PARK7: variants seen among roughly 807,000 people sequenced by gnomAD.
The protein encoded by PARK7 is Parkinson disease protein 7.
A neutral mutation model predicts 20.5 loss-of-function variants in PARK7; 14 were observed. The observed-to-expected ratio is 0.68, with a 90% CI of 0.45 to 1.07. The LOEUF is 1.07. Ranked by LOEUF, PARK7 falls within the 50% of genes least tolerant of loss-of-function variation. The pLI is 0.00. For missense variants in PARK7, 234 were observed against 238.1 expected, an observed-to-expected ratio of 0.98 and a Z score of 0.11; for synonymous variants, 98 against 84.3, an observed-to-expected ratio of 1.16 and a Z score of -0.89.
rs1158017740 is a variant in PARK7 at position 7,985,098 on chromosome 1, A to G, written c.*44A>G. On this transcript the variant is annotated 3_prime_UTR_variant, in exon 7 of 7. Coordinates refer to ENST00000338639, the MANE Select transcript of PARK7 (RefSeq NM_007262.5). ...TCACTTAGAGAAACAGGCCGTTAGG[A>G]ATCCATTCTCACTGTGTTCGCTCTA... 3 of 1,601,226 alleles carry G rather than the reference A, an allele frequency of 1.9e-6. No individual in the cohort carries two copies. The South Asian group carries it at 3.3e-5, about 18-fold the overall frequency.
chr1:7,980,032 G>T lies in PARK7; in HGVS notation c.409+2294G>T, dbSNP rs377605677. On this transcript the variant is annotated intron_variant, in intron 6 of 6. Coordinates refer to ENST00000338639, the MANE Select transcript of PARK7 (RefSeq NM_007262.5). Reference sequence around the variant, plus strand: ...AAAAATTAGCTGGGCGTGGTGGCGGGCACCTGTAGTCCCAGCTACTCAGGA... The same window carrying T: ...AAAAATTAGCTGGGCGTGGTGGCGGTCACCTGTAGTCCCAGCTACTCAGGA... Among the ~76,000 whole-genome samples the T allele has an allele frequency of 7.2e-5, 11 of 151,998 alleles. No individual in the cohort carries two copies. In the East Asian group the frequency reaches 1.6e-3, roughly 22 times the overall value.
At chr1:7,982,875 A>T (rs1279829676) in intron 6 of PARK7, 3 of 152,188 alleles carry the variant, frequency 2.0e-5, no homozygotes, top group Non-Finnish European at 4.4e-5. Context: ...CTGATTTTTT[A>T]AATTTTTTAG....
chr1:7,965,534 A>C, intron 3 of PARK7, 109 bp downstream of exon 3: 1 of 950,246 alleles, frequency 1.1e-6, no homozygotes, highest in East Asian at 2.4e-5. Flanking sequence ...TTTTGCTTGA[A>C]TGTCTTCCCC....
In PARK7 at chr1:7,984,778, A is replaced by G; in HGVS notation, c.410-116A>G. On this transcript the variant is annotated intron_variant, in intron 6 of 6. Coordinates refer to ENST00000338639, the MANE Select transcript of PARK7 (RefSeq NM_007262.5). The surrounding 1 kb of genome is among the most constrained non-coding windows in gnomAD (Gnocchi z 4.3). ...TGGAGTGCCTAGTAAATGTTTTTGA[A>G]TGGTTAGCTACAGTGTTGGGTTTAT... 3.9e-6 allele frequency: 5 copies of G among 1,287,382 alleles called. No homozygotes were observed. Among genetic ancestry groups the G allele is most frequent in the Non-Finnish European group, 4.5e-6 (4 of 897,214 alleles). The allele number at this position is 1,287,382 out of a possible 1,614,324, so 79.7% of individuals were successfully genotyped here. A position where few individuals can be genotyped will look rare whatever the true frequency, so the allele number is the denominator to read the frequency against.
At chr1:7,968,129 G>A (rs1390164869) in intron 3 of PARK7, among the ~76,000 whole-genome samples, 1 of 151,784 alleles carries the variant, frequency 6.6e-6, no homozygotes, top group African/African-American at 2.4e-5. Flanking sequence ...TCAAGAGGGT[G>A]AAACCCCATC....
intron 2 of PARK7, among the ~76,000 whole-genome samples, 162 bp downstream of exon 2, chr1:7,963,037 T>A (rs1236259579): frequency 6.6e-6 from 1 of 152,198 alleles, no homozygotes; most frequent in Non-Finnish European, 1.5e-5. Context: ...CTGCTCACAT[T>A]TAACGCTTGT....
Position 7,984,551 on chromosome 1 carries a change from C to A in PARK7, c.410-343C>A, listed in dbSNP as rs1215351925. ...AGCGCTGCCGCATCCCTTCACCCTTCCCCGGCACTTCAGAATTGACACTTG... is the reference window on the plus strand; with the variant it reads ...AGCGCTGCCGCATCCCTTCACCCTTACCCGGCACTTCAGAATTGACACTTG... On this transcript the variant is annotated intron_variant, in intron 6 of 6. Coordinates refer to ENST00000338639, the MANE Select transcript of PARK7 (RefSeq NM_007262.5). The surrounding 1 kb of genome is among the most constrained non-coding windows in gnomAD (Gnocchi z 4.3). 6.6e-6 allele frequency among the ~76,000 whole-genome samples: 1 copy of A among 152,212 alleles called. No individual in the cohort carries two copies. The highest frequency in any genetic ancestry group is 2.4e-5 in the African/African-American group (1 of 41,442).
rs1640452604 is a variant in PARK7, at chr1:7,970,948, G to A, written c.307G>A (p.Ala103Thr). 1 of 1,614,196 alleles carries A rather than the reference G, an allele frequency of 6.2e-7. No individual in the cohort carries two copies. Among genetic ancestry groups the A allele is most frequent in the Middle Eastern group, 1.6e-4 (1 of 6,062 alleles). Residue 103 changes from alanine (A) to threonine (T), a missense_variant, in exon 5 of 7, where the codon GCC (alanine) becomes ACC (threonine). Ala to Thr is a moderately conservative substitution (Grantham distance 58). Coordinates refer to ENST00000338639, the MANE Select transcript of PARK7 (RefSeq NM_007262.5). ...KEQENRKGLI[A>T]AICAGPTALL... Reference sequence around the variant, plus strand: ...GCAGGAAAACCGGAAGGGCCTGATAGCCGCCATCTGTGCAGGTGACGTGCA... The same window carrying A: ...GCAGGAAAACCGGAAGGGCCTGATAACCGCCATCTGTGCAGGTGACGTGCA...
chr1:7,969,625 G>A (rs1640414289), intron 4 of PARK7, among the ~76,000 whole-genome samples: 1 of 151,514 alleles, frequency 6.6e-6, no homozygotes, highest in South Asian at 2.1e-4. Context: ...CTGTGGCCCA[G>A]GCTGGAGTGC....
chr1:7,972,465 C>T (rs1423840069), intron 5 of PARK7, among the ~76,000 whole-genome samples: 2 of 151,902 alleles, frequency 1.3e-5, no homozygotes, highest in African/African-American at 2.4e-5. Context: ...GTCTTTCAAA[C>T]AAAATGTTAT....
intron 2 of PARK7, among the ~76,000 whole-genome samples, chr1:7,965,101 G>T (rs763573342): frequency 1.3e-5 from 2 of 152,164 alleles, no homozygotes; most frequent in Non-Finnish European, 2.9e-5. Flanking sequence ...CTCTAGCTGG[G>T]TGTGGTGGCT....
intron 5 of PARK7, among the ~76,000 whole-genome samples, chr1:7,976,416 G>T (rs755689068): frequency 3.9e-5 from 6 of 152,134 alleles, no homozygotes; most frequent in Non-Finnish European, 7.4e-5. Context: ...CCTTATTTAG[G>T]ACCATTACAT....
chr1:7,965,237 A>G (rs1640298973), intron 2 of PARK7, 87 bp from the exon 3 acceptor site: 1 of 1,243,462 alleles, frequency 8.0e-7, no homozygotes, highest in Non-Finnish European at 1.2e-6. Context: ...GTGAGACCCC[A>G]TCTCTCTTTT....
At chr1:7,976,374 A>T (rs1431789162) in intron 5 of PARK7, among the ~76,000 whole-genome samples, 1 of 152,234 alleles carries the variant, frequency 6.6e-6, no homozygotes, top group African/African-American at 2.4e-5. Context: ...ATGAAATAAC[A>T]ATGAAAGGTA....
Position 7,972,507 on chromosome 1 carries a change from G to A in PARK7, c.322+1544G>A, listed in dbSNP as rs568871352. On this transcript the variant is annotated intron_variant, in intron 5 of 6. Transcript: ENST00000338639. Reference sequence around the variant, plus strand: ...TTTTTCTTCTCAGTCTTTCAGGAGTGACATCAGAGTAGGATGATACCATCA... The same window carrying A: ...TTTTTCTTCTCAGTCTTTCAGGAGTAACATCAGAGTAGGATGATACCATCA... Among the ~76,000 whole-genome samples the A allele has an allele frequency of 1.5e-4, 23 of 152,228 alleles. No homozygotes were observed. The South Asian group carries it at 4.6e-3, about 30-fold the overall frequency.
Position 7,984,838 on chromosome 1 carries a change from G to A in PARK7, c.410-56G>A, listed in dbSNP as rs750784257. On this transcript the variant is annotated intron_variant, in intron 6 of 6. Transcript: ENST00000338639. This position sits in a 1 kb window ranked among gnomAD's most constrained non-coding sequence, Gnocchi z 4.3. ...TAGTGAATTTAATTGGTAAGTAATCGTCTTTCTCGTCACATAGCCCATTAG... is the reference window on the plus strand; with the variant it reads ...TAGTGAATTTAATTGGTAAGTAATCATCTTTCTCGTCACATAGCCCATTAG... 18 of 1,595,216 alleles carry A rather than the reference G, an allele frequency of 1.1e-5. No homozygotes were observed. The highest frequency in any genetic ancestry group is 5.0e-5 in the Admixed American group (3 of 59,962).
At chr1:7,965,233 C>A (rs1326822372) in intron 2 of PARK7, 91 bp from the exon 3 acceptor site, 2 of 1,186,730 alleles carry the variant, frequency 1.7e-6, no homozygotes. Context: ...CAGGGTGAGA[C>A]CCCATCTCTC....
intron 3 of PARK7, 23 bp from the exon 4 acceptor site, chr1:7,969,322 C>G (rs1419074462): frequency 6.3e-7 from 1 of 1,585,704 alleles, no homozygotes; most frequent in Non-Finnish European, 8.6e-7. Context: ...TTTTTGTTTT[C>G]TTTATGTTTT....
chr1:7,966,002 C>T (rs894494204), intron 3 of PARK7, among the ~76,000 whole-genome samples: 2 of 152,136 alleles, frequency 1.3e-5, no homozygotes, highest in Non-Finnish European at 2.9e-5. Context: ...TTTCAGAGTT[C>T]CACTGTAGTT....
Sources: allele counts gnomAD v4.1 joint callset (sites outside exome capture counted in the v4.1 genomes callset), GRCh38; gene constraint gnomAD v4.1.1; non-coding constraint Gnocchi (gnomAD v3.1); transcripts MANE v1.5; gene names NCBI Gene and HGNC (gene_info 2026-07-23, HGNC 2026-07-21).